The following ANKFN1 variants were observed in gnomAD, a reference collection of about 807,000 sequenced individuals.
ANKFN1 encodes ankyrin repeat and fibronectin type-III domain-containing protein 1.
ANKFN1 carries 74 observed loss-of-function variants against 108.7 expected under a neutral mutation model. The observed-to-expected ratio is 0.68, with a 90% CI of 0.56 to 0.83. The LOEUF (loss-of-function observed/expected upper bound fraction) is 0.83, where lower values mean the gene tolerates loss of function less well. Ranked by LOEUF, ANKFN1 falls within the 40% of genes least tolerant of loss-of-function variation. The probability of loss-of-function intolerance (pLI) is 0.00; values close to 1 mark genes in which losing one functional copy is unlikely to be tolerated. For missense variants in ANKFN1, 1,505 were observed against 1,382.3 expected, an observed-to-expected ratio of 1.09 and a Z score of -1.41; for synonymous variants, 547 against 516.2, an observed-to-expected ratio of 1.06 and a Z score of -0.81.
chr17:56,432,850 G>A (rs2048804641), intron 8 of ANKFN1, among the ~76,000 whole-genome samples: 1 of 152,114 alleles, frequency 6.6e-6, no homozygotes, highest in African/African-American at 2.4e-5. Context: ...TTATGCCCAA[G>A]AAGTCTACAC....
At chr17:56,107,542 T>A (rs1182805961) in intron 4 of ANKFN1, among the ~76,000 whole-genome samples, 1 of 152,174 alleles carries the variant, frequency 6.6e-6, no homozygotes, top group East Asian at 1.9e-4. Flanking sequence ...TTAAGGAGCT[T>A]GTTGGGAAAC....
chr17:56,238,487 A>G (rs1917325914), intron 3 of ANKFN1, among the ~76,000 whole-genome samples: 1 of 152,148 alleles, frequency 6.6e-6, no homozygotes. Flanking sequence ...ATATATATTT[A>G]GGATAGTTAG....
At chr17:56,423,263 T>C (rs1240426624) in intron 8 of ANKFN1, among the ~76,000 whole-genome samples, 1 of 152,150 alleles carries the variant, frequency 6.6e-6, no homozygotes, top group East Asian at 1.9e-4. Context: ...ACAGACACGT[T>C]GGGTCAACAG....
At chr17:56,372,929 G>A (rs2046850010) in intron 7 of ANKFN1, 89 bp downstream of exon 7, 1 of 1,325,422 alleles carries the variant, frequency 7.5e-7, no homozygotes, top group Non-Finnish European at 1.0e-6. Context: ...TTTTTTTTCA[G>A]CTCTACAGAG....
intron 3 of ANKFN1, among the ~76,000 whole-genome samples, chr17:56,320,782 G>C (rs562549222): frequency 1.3e-5 from 2 of 152,264 alleles, no homozygotes; most frequent in African/African-American, 4.8e-5. Flanking sequence ...TCCTTTAAGA[G>C]AATCCCGTTT....
chr17:56,417,569 TA>T (rs1335454142), intron 8 of ANKFN1, among the ~76,000 whole-genome samples: 2 of 152,206 alleles, frequency 1.3e-5, no homozygotes. Context: ...CTCCCGAGTT[TA>T]AGGCACTGTG....
At chr17:56,105,924 G>T (rs1336216121) in intron 4 of ANKFN1, among the ~76,000 whole-genome samples, 1 of 152,016 alleles carries the variant, frequency 6.6e-6, no homozygotes, top group African/African-American at 2.4e-5. Flanking sequence ...AAAGGCACGG[G>T]ATGCTGCTAA....
intron 4 of ANKFN1, among the ~76,000 whole-genome samples, chr17:56,336,424 A>G (rs1022066617): frequency 6.6e-6 from 1 of 152,126 alleles, no homozygotes; most frequent in Non-Finnish European, 1.5e-5. Context: ...CAGAGATTCA[A>G]CTTCTTCCTG....
chr17:56,062,411 G>A (rs1205492122), intron 4 of ANKFN1, among the ~76,000 whole-genome samples: 1 of 152,096 alleles, frequency 6.6e-6, no homozygotes, highest in African/African-American at 2.4e-5. Context: ...GACTCTGGGT[G>A]CTCCTGTATT....
chr17:56,329,747 G>A (rs914597433), intron 4 of ANKFN1, among the ~76,000 whole-genome samples: 26 of 152,094 alleles, frequency 1.7e-4, no homozygotes, highest in Admixed American at 7.2e-4. Flanking sequence ...ATGTTTCTCC[G>A]AAAGCCAAAT....
chr17:56,175,558 A>G (rs1378586437), intron 1 of ANKFN1, among the ~76,000 whole-genome samples: 1 of 152,228 alleles, frequency 6.6e-6, no homozygotes, highest in Admixed American at 6.5e-5. Flanking sequence ...AACTCAGCTC[A>G]TGAAGTCAGA....
At chr17:56,236,746 CTG>C (rs1313630078) in intron 3 of ANKFN1, among the ~76,000 whole-genome samples, 2 of 152,164 alleles carry the variant, frequency 1.3e-5, no homozygotes, top group African/African-American at 2.4e-5. Context: ...GCAAAAGTAA[CTG>C]TGGCTTTTAC....
intron 8 of ANKFN1, among the ~76,000 whole-genome samples, chr17:56,428,240 A>T (rs979313400): frequency 2.3e-4 from 35 of 151,894 alleles, no homozygotes; most frequent in Non-Finnish European, 2.1e-4. Context: ...ATCTCAAAAA[A>T]AAAAAAGAAA....
intron 4 of ANKFN1, among the ~76,000 whole-genome samples, chr17:56,118,592 C>G (rs866568981): frequency 1.1e-4 from 16 of 152,152 alleles, no homozygotes; most frequent in African/African-American, 3.9e-4. Context: ...ATTACAGTCA[C>G]TGTTCAAGTA....
chr17:56,266,693 T>C (rs1199353787), intron 3 of ANKFN1, among the ~76,000 whole-genome samples: 2 of 152,192 alleles, frequency 1.3e-5, no homozygotes, highest in Non-Finnish European at 2.9e-5. Flanking sequence ...ATATGAAGAA[T>C]GTTTCTGCAT....
chr17:56,387,697 C>T (rs747980601), intron 8 of ANKFN1, among the ~76,000 whole-genome samples: 4 of 152,018 alleles, frequency 2.6e-5, no homozygotes, highest in African/African-American at 4.8e-5. Flanking sequence ...TTAAAATATT[C>T]GTCCCTTTGG....
At chr17:56,149,116 T>C (rs1037970953), upstream of ANKFN1, among the ~76,000 whole-genome samples, 1 of 152,088 alleles carries the variant, frequency 6.6e-6, no homozygotes, top group Non-Finnish European at 1.5e-5. Context: ...AGGCTGTACA[T>C]GGAGGCAGTG....
At chr17:56,220,920 G>C (rs1226770036) in intron 2 of ANKFN1, among the ~76,000 whole-genome samples, 1 of 131,858 alleles carries the variant, frequency 7.6e-6, no homozygotes, top group African/African-American at 2.8e-5. Context: ...GTGGGGGAGG[G>C]AGGAACGAAC....
chr17:56,238,169 A>G lies in ANKFN1; in HGVS notation c.53+10212A>G, dbSNP rs370608752. Among the ~76,000 whole-genome samples the G allele has an allele frequency of 1.6e-4, 24 of 152,176 alleles. 2 individuals are homozygous for G. The highest frequency in any genetic ancestry group is 4.6e-4 in the Admixed American group (7 of 15,256). ...TTTGATATGATTTCAGTTCTTTTGC[A>G]TATGCTCATTGTTTTATGTCTAATT... On this transcript the variant is annotated intron_variant, in intron 3 of 20. Transcript: ENST00000682825.
Sources: allele counts gnomAD v4.1 joint callset (sites outside exome capture counted in the v4.1 genomes callset), GRCh38; gene constraint gnomAD v4.1.1; transcripts MANE v1.5; gene names NCBI Gene and HGNC (gene_info 2026-07-23, HGNC 2026-07-21).